The following OPRM1 variants were observed in gnomAD, a reference collection of about 807,000 sequenced individuals.
The protein encoded by OPRM1 is mu-type opioid receptor.
A neutral mutation model predicts 31.8 loss-of-function variants in OPRM1; 27 were observed. The observed-to-expected ratio is 0.85, with a 90% confidence interval of 0.63 to 1.17. The LOEUF is 1.17. Among genes scored for constraint, OPRM1 ranks in the 50% most tolerant of loss-of-function variants. The pLI, the probability that OPRM1 is intolerant of heterozygous loss-of-function variation, is 0.00. For missense variants in OPRM1, 536 were observed against 511.1 expected (o/e 1.05, Z -0.47); for synonymous variants, 196 against 189.9 (o/e 1.03, Z -0.26).
At chr6:154,080,536 C>T (rs188939340) in intron 1 of OPRM1, among the ~76,000 whole-genome samples, 2 of 152,226 alleles carry the variant, frequency 1.3e-5, no homozygotes, top group South Asian at 2.1e-4. Context: ...TTATTTCTGA[C>T]GTAGCCTGCA....
intron 3 of OPRM1, among the ~76,000 whole-genome samples, chr6:154,203,664 C>A (rs924085805): frequency 7.2e-5 from 11 of 152,116 alleles, no homozygotes; most frequent in Admixed American, 2.0e-4. Flanking sequence ...CCCACAGATA[C>A]CAAGGGATGA....
At chr6:154,056,992 A>G (rs1299634227) in intron 1 of OPRM1, among the ~76,000 whole-genome samples, 3 of 152,220 alleles carry the variant, frequency 2.0e-5, no homozygotes, top group African/African-American at 7.2e-5. Context: ...ATTAATTGAA[A>G]TCCTTCAAAT....
chr6:154,115,061 C>T (rs188203871), intron 3 of OPRM1, among the ~76,000 whole-genome samples: 18 of 152,156 alleles, frequency 1.2e-4, no homozygotes, highest in African/African-American at 3.6e-4. Context: ...CCCTGGGAGC[C>T]GCAAAAGTAG....
intron 3 of OPRM1, among the ~76,000 whole-genome samples, chr6:154,152,343 G>GAA (rs753860826): frequency 4.9e-5 from 1 of 20,484 alleles, no homozygotes; most frequent in African/African-American, 1.5e-4. Flanking sequence ...AAGAAAGAAA[G>GAA]AAAGGAAAGA....
intron 3 of OPRM1, among the ~76,000 whole-genome samples, chr6:154,186,211 G>A (rs1356167184): frequency 6.6e-6 from 1 of 152,130 alleles, no homozygotes; most frequent in Non-Finnish European, 1.5e-5. Context: ...ATTTCTGTGA[G>A]GCATTTCAAA....
At position 154,127,267 on chromosome 6, in the gene OPRM1, G is replaced by A. The variant is rs1797644443; in HGVS notation, c.*8546G>A. Among the ~76,000 whole-genome samples the A allele has an allele frequency of 6.6e-6, 1 of 152,096 alleles. No homozygotes were observed. The highest frequency in any genetic ancestry group is 2.1e-4 in the South Asian group (1 of 4,814). On this transcript the variant is annotated 3_prime_UTR_variant, in exon 4 of 4. Transcript: ENST00000330432. Reference sequence around the variant, plus strand: ...GAGATGTCATGCTTTGAAATCAGTGGCCATTATCATCTAAGGATTCCGCCA... The same window carrying A: ...GAGATGTCATGCTTTGAAATCAGTGACCATTATCATCTAAGGATTCCGCCA...
intron 3 of OPRM1, among the ~76,000 whole-genome samples, chr6:154,213,622 G>A (rs746947938): frequency 2.2e-4 from 34 of 152,118 alleles, no homozygotes; most frequent in Non-Finnish European, 3.7e-4. Flanking sequence ...TGTGGTCTGG[G>A]CATTTCAGAA....
intron 3 of OPRM1, among the ~76,000 whole-genome samples, chr6:154,100,686 C>G (rs1794700174): frequency 6.6e-6 from 1 of 151,588 alleles, no homozygotes; most frequent in Non-Finnish European, 1.5e-5. Context: ...GGAAAAAGAG[C>G]TAATGTATAG....
At chr6:154,097,174 C>T (rs997472963) in intron 3 of OPRM1, among the ~76,000 whole-genome samples, 7 of 152,194 alleles carry the variant, frequency 4.6e-5, no homozygotes, top group Admixed American at 4.6e-4. Context: ...AAGTGAACGT[C>T]GTGGCATGTC....
rs546992701 is a variant in OPRM1, at chr6:154,119,401, A to G, written c.*680A>G. 84 of 985,388 alleles carry G rather than the reference A, an allele frequency of 8.5e-5. No individual in the cohort carries two copies. The South Asian group carries it at 1.6e-3, about 18-fold the overall frequency. The allele number at this position is 985,388 out of a possible 1,614,324, so 61.0% of individuals were successfully genotyped here. ...AGGTTGATTCTCATGCACTGCAAAT[A>G]CTTCCAAAGAGTCATCATGGGGGAT... On this transcript the variant is annotated 3_prime_UTR_variant, in exon 4 of 4. Transcript: ENST00000330432.
chr6:154,149,459 A>G (rs1015108124), intron 3 of OPRM1, among the ~76,000 whole-genome samples: 11 of 152,178 alleles, frequency 7.2e-5, no homozygotes, highest in African/African-American at 1.9e-4. Flanking sequence ...AAGCCTACCC[A>G]TATCACATGG....
intron 1 of OPRM1, among the ~76,000 whole-genome samples, chr6:154,026,616 C>A (rs986635655): frequency 6.6e-6 from 1 of 152,012 alleles, no homozygotes; most frequent in Non-Finnish European, 1.5e-5. Context: ...TGTAAGTGTG[C>A]TTCTTTGTTT....
rs902881964 is a variant in OPRM1, at chr6:154,131,848, G to A, written c.*13127G>A. ...GCCTATAGAGACAAATACATATATTGTTTGTTGTGATAATGCACAAAAAGG... is the reference window on the plus strand; with the variant it reads ...GCCTATAGAGACAAATACATATATTATTTGTTGTGATAATGCACAAAAAGG... On this transcript the variant is annotated 3_prime_UTR_variant, in exon 4 of 4. Coordinates refer to ENST00000330432, the MANE Select transcript of OPRM1 (RefSeq NM_000914.5). Among the ~76,000 whole-genome samples the A allele has an allele frequency of 3.3e-5, 5 of 150,666 alleles. No homozygotes were observed. In the East Asian group the frequency reaches 9.7e-4, roughly 29 times the overall value.
downstream of OPRM1, among the ~76,000 whole-genome samples, chr6:154,133,977 T>A (rs576319770): frequency 9.2e-5 from 14 of 152,244 alleles, no homozygotes; most frequent in South Asian, 2.7e-3. Flanking sequence ...GACATAGGGT[T>A]TGAAAGCTGA....
intron 3 of OPRM1, among the ~76,000 whole-genome samples, chr6:154,139,751 C>T (rs1276083643): frequency 6.6e-6 from 1 of 152,104 alleles, no homozygotes; most frequent in African/African-American, 2.4e-5. Flanking sequence ...ACTTAAGGCC[C>T]CTGGTAAGTG....
At chr6:154,190,012 GAAATT>G (rs1278197580) in intron 3 of OPRM1, among the ~76,000 whole-genome samples, 2 of 151,884 alleles carry the variant, frequency 1.3e-5, no homozygotes, top group African/African-American at 2.4e-5. Flanking sequence ...TTATAGGTAA[GAAATT>G]AAATAAAAAT....
chr6:154,063,765 T>A (rs181034065), intron 1 of OPRM1, among the ~76,000 whole-genome samples: 1 of 152,222 alleles, frequency 6.6e-6, no homozygotes, highest in Non-Finnish European at 1.5e-5. Context: ...TTATCTTTTA[T>A]AAATGGTTTA....
At chr6:154,183,022 C>A (rs1006874858) in intron 3 of OPRM1, among the ~76,000 whole-genome samples, 2 of 152,000 alleles carry the variant, frequency 1.3e-5, no homozygotes, top group African/African-American at 4.8e-5. Context: ...CTCTGTAGCC[C>A]AGGCTGGAGT....
chr6:154,175,504 C>T (rs1460024385), intron 3 of OPRM1, among the ~76,000 whole-genome samples: 1 of 151,824 alleles, frequency 6.6e-6, no homozygotes, highest in African/African-American at 2.4e-5. Context: ...CCACCAATCC[C>T]ACAGAAATAC....
Sources: allele counts gnomAD v4.1 joint callset (sites outside exome capture counted in the v4.1 genomes callset), GRCh38; gene constraint gnomAD v4.1.1; transcripts MANE v1.5; gene names NCBI Gene and HGNC (gene_info 2026-07-23, HGNC 2026-07-21).